The following ETV5 variants were observed in gnomAD, a reference collection of about 807,000 sequenced individuals.
ETV5 encodes ETS variant transcription factor 5, also known as ETS translocation variant 5.
A neutral mutation model predicts 70.0 loss-of-function variants in ETV5; 10 were observed. The ratio of observed to expected loss-of-function variants is 0.14; its 90% CI spans 0.09 to 0.24. The LOEUF (loss-of-function observed/expected upper bound fraction) is 0.24, where lower values mean the gene tolerates loss of function less well. Ranked by LOEUF, ETV5 falls within the 10% of genes least tolerant of loss-of-function variation. The probability of loss-of-function intolerance (pLI) is 1.00; values close to 1 mark genes in which losing one functional copy is unlikely to be tolerated. For synonymous variants in ETV5, 216 were observed against 242.2 expected, an observed-to-expected ratio of 0.89 and a Z score of 1.01; for missense variants, 453 against 651.2, an observed-to-expected ratio of 0.70 and a Z score of 3.31.
intron 5 of ETV5, among the ~76,000 whole-genome samples, chr3:186,104,647 C>T (rs894306096): frequency 6.6e-6 from 1 of 152,042 alleles, no homozygotes; most frequent in Non-Finnish European, 1.5e-5. Context: ...CCCAAAAAAG[C>T]CATAAAACAA....
In ETV5 at chr3:186,046,682, A is replaced by T. The variant is rs1311929335; in HGVS notation, c.*1957T>A. The stretch of plus-strand genomic sequence containing the variant: ...CATAAATCCATTCAAAAGAAAAAAA[A>T]AAAAAATCCAAACCAGGGTAAGTAA... On this transcript the variant is annotated 3_prime_UTR_variant, in exon 13 of 13. Coordinates refer to ENST00000306376, the MANE Select transcript of ETV5 (RefSeq NM_004454.3). 1 of 232,430 alleles carries T rather than the reference A, an allele frequency of 4.3e-6. No individual in the cohort carries two copies. The highest frequency in any genetic ancestry group is 8.5e-6 in the Non-Finnish European group (1 of 117,598). The allele number at this position is 232,430 out of a possible 1,614,324, so 14.4% of individuals were successfully genotyped here. A position where few individuals can be genotyped will look rare whatever the true frequency, so the allele number is the denominator to read the frequency against.
Position 186,105,771 on chromosome 3 carries a change from A to G in ETV5, c.45+53T>C. 6.2e-7 allele frequency: 1 copy of G among 1,611,196 alleles called. No homozygotes were observed. Among genetic ancestry groups the G allele is most frequent in the Non-Finnish European group, 8.5e-7 (1 of 1,177,316 alleles). On this transcript the variant is annotated intron_variant, in intron 2 of 12. Coordinates refer to ENST00000306376, the MANE Select transcript of ETV5 (RefSeq NM_004454.3). This position sits in a 1 kb window ranked among gnomAD's most constrained non-coding sequence, Gnocchi z 4.5. ...TGTAGTAAAGAGGTCCACAGGGGGAAGACTCATATTGGAGAGGGAGGACAA... is the reference window on the plus strand; with the variant it reads ...TGTAGTAAAGAGGTCCACAGGGGGAGGACTCATATTGGAGAGGGAGGACAA...
At chr3:186,097,372 G>T (rs1714330526) in intron 5 of ETV5, among the ~76,000 whole-genome samples, 1 of 152,106 alleles carries the variant, frequency 6.6e-6, no homozygotes, top group Non-Finnish European at 1.5e-5. Context: ...GCCTAAGCAA[G>T]AAGTGTCTGT....
chr3:186,065,886 T>C lies in ETV5; in HGVS notation c.837A>G (p.Pro279=), dbSNP rs1301550062. 1 of 1,613,950 alleles carries C rather than the reference T, an allele frequency of 6.2e-7. No individual in the cohort carries two copies. The highest frequency in any genetic ancestry group is 1.7e-5 in the Admixed American group (1 of 60,004). The stretch of plus-strand genomic sequence containing the variant: ...ACTGGAACCCGTGTGCTGGGGGCCC[T>C]GGCATGCCCGGGACCCCATGTTCAT... ...PLYEHGVPGM[P]GPPAHGFQSP... The change falls in exon 8 of 13, where the codon CCA becomes CCG. Residue 279 remains proline, a synonymous_variant. Coordinates refer to ENST00000306376, the MANE Select transcript of ETV5 (RefSeq NM_004454.3).
Position 186,065,917 on chromosome 3 carries a change from G to T in ETV5, c.806C>A (p.Pro269Gln), listed in dbSNP as rs866449390. ...GCCCGGGACCCCATGTTCATAGAGT[G>T]GGTCATGGTATTCTTGTTTGAATCC... is the stretch of plus-strand genomic sequence containing the variant. Reference protein sequence around the residue: ...PQGFKQEYHDPLYEHGVPGMP... With the variant: ...PQGFKQEYHDQLYEHGVPGMP... The change falls in exon 8 of 13, where the codon CCA becomes CAA. Residue 269 changes from proline to glutamine, a missense_variant. By Grantham distance (76) the Pro-to-Gln change is moderately conservative. Coordinates refer to ENST00000306376, the MANE Select transcript of ETV5 (RefSeq NM_004454.3). 4.3e-6 allele frequency: 7 copies of T among 1,613,754 alleles called. No individual in the cohort carries two copies. The highest frequency in any genetic ancestry group is 5.9e-6 in the Non-Finnish European group (7 of 1,179,920).
chr3:186,089,467 G>A (rs1298352043), intron 5 of ETV5, among the ~76,000 whole-genome samples: 3 of 152,092 alleles, frequency 2.0e-5, no homozygotes, highest in Admixed American at 6.5e-5. Context: ...CGTTTAATGA[G>A]CCCCCCAAAA....
intron 7 of ETV5, among the ~76,000 whole-genome samples, chr3:186,074,068 C>T (rs867306901): frequency 6.7e-6 from 1 of 149,606 alleles, no homozygotes; most frequent in South Asian, 2.1e-4. Context: ...TAAGTAAGGC[C>T]AAAAGTAGAT....
chr3:186,066,098 T>C, intron 7 of ETV5, 26 bp from the exon 8 acceptor site: 2 of 1,538,814 alleles, frequency 1.3e-6, no homozygotes, highest in Non-Finnish European at 1.7e-6. Flanking sequence ...GGTTTTCATG[T>C]TGAACAAAGA....
chr3:186,095,953 G>A (rs1215663114), intron 5 of ETV5, among the ~76,000 whole-genome samples: 1 of 152,202 alleles, frequency 6.6e-6, no homozygotes, highest in Non-Finnish European at 1.5e-5. Context: ...CGCTGTGGCC[G>A]AGGCGGGACA....
At chr3:186,064,387 G>T in intron 9 of ETV5, 30 bp downstream of exon 9, 1 of 1,597,942 alleles carries the variant, frequency 6.3e-7, no homozygotes, top group Non-Finnish European at 8.6e-7. Context: ...GGAGAGAGGA[G>T]AGAAGAGGAA....
At position 186,107,884 on chromosome 3, in the gene ETV5, T is replaced by A. The variant is rs562488013; in HGVS notation, c.-75+1056A>T. Among the ~76,000 whole-genome samples, 408 of 151,896 alleles carry A rather than the reference T, an allele frequency of 2.7e-3. 1 individual carries two copies. Among genetic ancestry groups the A allele is most frequent in the Non-Finnish European group, 5.0e-3 (337 of 67,980 alleles). On this transcript the variant is annotated intron_variant, in intron 1 of 12. Coordinates refer to ENST00000306376, the MANE Select transcript of ETV5 (RefSeq NM_004454.3). ...CCCAATTCTCAGCCTTCCCCATTCATGAAAACTCCTTCAGCTGCGCCCCCG... is the reference window on the plus strand; with the variant it reads ...CCCAATTCTCAGCCTTCCCCATTCAAGAAAACTCCTTCAGCTGCGCCCCCG...
intron 5 of ETV5, among the ~76,000 whole-genome samples, chr3:186,091,315 A>T (rs1714177644): frequency 6.6e-6 from 1 of 152,132 alleles, no homozygotes; most frequent in South Asian, 2.1e-4. Flanking sequence ...GGTGGAAGGG[A>T]GTTATGATGT....
intron 5 of ETV5, among the ~76,000 whole-genome samples, chr3:186,093,502 T>C (rs1714234719): frequency 6.6e-6 from 1 of 152,202 alleles, no homozygotes; most frequent in African/African-American, 2.4e-5. Flanking sequence ...CTTACAGCAA[T>C]GGTAGCAGCC....
intron 5 of ETV5, among the ~76,000 whole-genome samples, chr3:186,098,541 C>A (rs1183141649): frequency 6.6e-6 from 1 of 152,104 alleles, no homozygotes; most frequent in Non-Finnish European, 1.5e-5. Context: ...TTCAGAATAC[C>A]CTCCTGAATG....
chr3:186,059,857 T>TCCCC (rs1713262479), intron 9 of ETV5, among the ~76,000 whole-genome samples: 2 of 152,320 alleles, frequency 1.3e-5, no homozygotes, highest in Non-Finnish European at 2.9e-5. Flanking sequence ...ATGAGAAGTT[T>TCCCC]TATAGTCTTC....
intron 5 of ETV5, among the ~76,000 whole-genome samples, chr3:186,099,655 T>A (rs1714403334): frequency 6.6e-6 from 1 of 152,036 alleles, no homozygotes; most frequent in African/African-American, 2.4e-5. Flanking sequence ...GGGCTGAAAT[T>A]AAAACAATGA....
chr3:186,057,463 T>C lies in ETV5; in HGVS notation c.999A>G (p.Leu333=), dbSNP rs774401997. The change falls in exon 10 of 13, where the codon TTA becomes TTG. Residue 333 remains leucine (L), a synonymous_variant. Coordinates refer to ENST00000306376, the MANE Select transcript of ETV5 (RefSeq NM_004454.3). The surrounding 1 kb of genome is among the most constrained non-coding windows in gnomAD (Gnocchi z 4.9). ...EGFSYEKDPR[L]YFDDTCVVPE... ...GCACAACACAAGTGTCGTCAAAGTA[T>C]AATCGGGGATCTTTTTCATATGAAA... The C allele has an allele frequency of 8.1e-6, 13 of 1,614,110 alleles. No individual in the cohort carries two copies. Among genetic ancestry groups the C allele is most frequent in the Middle Eastern group, 1.7e-4 (1 of 6,060 alleles).
chr3:186,100,002 A>G (rs908837336), intron 5 of ETV5, among the ~76,000 whole-genome samples: 2 of 152,236 alleles, frequency 1.3e-5, no homozygotes, highest in Non-Finnish European at 2.9e-5. Context: ...CAGATTTTGT[A>G]AAACAGATGG....
At chr3:186,082,095 T>A (rs572851977) in intron 5 of ETV5, among the ~76,000 whole-genome samples, 2 of 152,384 alleles carry the variant, frequency 1.3e-5, no homozygotes, top group Non-Finnish European at 2.9e-5. Context: ...TTGCCTTTTC[T>A]GTCTTCTCTA....
Sources: allele counts gnomAD v4.1 joint callset (sites outside exome capture counted in the v4.1 genomes callset), GRCh38; gene constraint gnomAD v4.1.1; non-coding constraint Gnocchi (gnomAD v3.1); transcripts MANE v1.5; gene names NCBI Gene and HGNC (gene_info 2026-07-23, HGNC 2026-07-21).